RBFOX1: variants seen among roughly 807,000 people sequenced by gnomAD.
RBFOX1 encodes the protein RNA binding protein fox-1 homolog 1.
RBFOX1 carries 8 observed loss-of-function variants against 57.7 expected under a neutral mutation model. The ratio of observed to expected loss-of-function variants is 0.14; its 90% CI spans 0.08 to 0.25. The LOEUF is 0.25. Among genes scored for constraint, RBFOX1 ranks in the 10% least tolerant of loss-of-function variants. The pLI, the probability that RBFOX1 is intolerant of heterozygous loss-of-function variation, is 1.00. For synonymous variants in RBFOX1, 326 were observed against 222.4 expected, an observed-to-expected ratio of 1.47 and a Z score of -4.15; for missense variants, 611 against 548.5, an observed-to-expected ratio of 1.11 and a Z score of -1.14.
chr16:6,906,950 C>T (rs1476601427), intron 3 of RBFOX1, among the ~76,000 whole-genome samples: 3 of 152,114 alleles, frequency 2.0e-5, no homozygotes, highest in African/African-American at 4.8e-5. Flanking sequence ...TCTTGAACTC[C>T]TGACCTTAAG....
intron 3 of RBFOX1, among the ~76,000 whole-genome samples, chr16:6,741,564 G>A (rs1042028191): frequency 2.0e-5 from 3 of 151,886 alleles, no homozygotes; most frequent in Non-Finnish European, 4.4e-5. Context: ...AGCTACTTGG[G>A]AGGCTGAGGT....
intron 5 of RBFOX1, among the ~76,000 whole-genome samples, chr16:7,542,925 C>G (rs889835125): frequency 5.9e-5 from 9 of 151,978 alleles, no homozygotes; most frequent in African/African-American, 2.2e-4. Context: ...CCACCACCAC[C>G]CCACACATAC....
At chr16:6,821,590 C>T (rs975157306) in intron 3 of RBFOX1, among the ~76,000 whole-genome samples, 9 of 152,188 alleles carry the variant, frequency 5.9e-5, no homozygotes, top group African/African-American at 2.2e-4. Context: ...ACTGGTCGGT[C>T]TGTCACAATG....
chr16:6,886,757 A>T (rs2064131177), intron 3 of RBFOX1, among the ~76,000 whole-genome samples: 1 of 29,192 alleles, frequency 3.4e-5, no homozygotes, highest in African/African-American at 8.0e-5. Flanking sequence ...TCTATCTGAA[A>T]AAAACAAAAA....
chr16:7,265,958 G>GTATTTTTTTTTT (rs1567956396), intron 4 of RBFOX1, among the ~76,000 whole-genome samples: 1 of 107,604 alleles, frequency 9.3e-6, no homozygotes, highest in Non-Finnish European at 1.7e-5. Flanking sequence ...GATCTGGTGG[G>GTATTTTTTTTTT]TTTTTGTTTT....
intron 4 of RBFOX1, among the ~76,000 whole-genome samples, chr16:7,092,059 A>T: frequency 6.6e-6 from 1 of 152,254 alleles, no homozygotes; most frequent in East Asian, 1.9e-4. Context: ...CTCTTCTAGC[A>T]CCTAAGATAT....
chr16:6,980,602 C>A (rs1343047565), intron 3 of RBFOX1, among the ~76,000 whole-genome samples: 1 of 152,068 alleles, frequency 6.6e-6, no homozygotes, highest in Non-Finnish European at 1.5e-5. Context: ...ATGGAGGTGG[C>A]AGGTTTTAGC....
chr16:6,167,760 G>T (rs886182941), intron 1 of RBFOX1, among the ~76,000 whole-genome samples: 1 of 152,124 alleles, frequency 6.6e-6, no homozygotes, highest in African/African-American at 2.4e-5. Flanking sequence ...TGGTCCTGGG[G>T]CCTCAGAGTG....
At chr16:5,432,164 G>A (rs1487019837) in intron 1 of RBFOX1, among the ~76,000 whole-genome samples, 1 of 152,212 alleles carries the variant, frequency 6.6e-6, no homozygotes, top group Non-Finnish European at 1.5e-5. Flanking sequence ...ACCAGGATTG[G>A]CACAGCGAGG....
chr16:6,196,542 C>T (rs760060670), intron 1 of RBFOX1, among the ~76,000 whole-genome samples: 13 of 152,174 alleles, frequency 8.5e-5, no homozygotes, highest in East Asian at 3.9e-4. Flanking sequence ...TGCGTGGCTG[C>T]GACTTAAAAA....
chr16:5,758,739 T>A (rs1480725490), intron 3 of RBFOX1, among the ~76,000 whole-genome samples: 1 of 152,172 alleles, frequency 6.6e-6, no homozygotes, highest in Non-Finnish European at 1.5e-5. Context: ...AATGGTAAAT[T>A]TGACATCCTA....
At chr16:7,166,740 C>T (rs180693755) in intron 4 of RBFOX1, among the ~76,000 whole-genome samples, 2 of 152,134 alleles carry the variant, frequency 1.3e-5, no homozygotes, top group Admixed American at 1.3e-4. Flanking sequence ...AGGCAGACTT[C>T]AGCAGCATCC....
At chr16:5,240,559 G>A (rs1173408114) in intron 1 of RBFOX1, among the ~76,000 whole-genome samples, 1 of 152,290 alleles carries the variant, frequency 6.6e-6, no homozygotes, top group East Asian at 1.9e-4. Context: ...GCGGGCTGGC[G>A]GCGCTCACCC....
intron 3 of RBFOX1, among the ~76,000 whole-genome samples, chr16:6,846,337 C>A (rs1275434483): frequency 6.6e-6 from 1 of 152,152 alleles, no homozygotes; most frequent in Non-Finnish European, 1.5e-5. Context: ...ATGGACACAT[C>A]AAGACTCACT....
At chr16:7,394,469 CG>C (rs1453290628) in intron 4 of RBFOX1, among the ~76,000 whole-genome samples, 1 of 152,012 alleles carries the variant, frequency 6.6e-6, no homozygotes, top group Non-Finnish European at 1.5e-5. Flanking sequence ...AAGGAAACCT[CG>C]AAAGGGTTGA....
chr16:6,467,459 C>A (rs117066596), intron 2 of RBFOX1, among the ~76,000 whole-genome samples: 105 of 152,110 alleles, frequency 6.9e-4, no homozygotes, highest in Non-Finnish European at 1.2e-3. Flanking sequence ...GGCAAGGTGA[C>A]TTTATAGTAG....
At chr16:5,572,870 A>G (rs2046329285) in intron 2 of RBFOX1, among the ~76,000 whole-genome samples, 1 of 152,182 alleles carries the variant, frequency 6.6e-6, no homozygotes, top group Non-Finnish European at 1.5e-5. Context: ...AAAGGTACTC[A>G]GGGTTGAGGC....
chr16:6,452,136 A>C (rs2094642809), intron 2 of RBFOX1, among the ~76,000 whole-genome samples: 1 of 135,786 alleles, frequency 7.4e-6, no homozygotes. Flanking sequence ...CCATGACTCC[A>C]TCCATGGGTC....
chr16:5,468,930 C>T (rs2069040932), intron 2 of RBFOX1, among the ~76,000 whole-genome samples: 1 of 152,214 alleles, frequency 6.6e-6, no homozygotes, highest in African/African-American at 2.4e-5. Context: ...TTAATTCTAG[C>T]TTCTGGGGCT....
Sources: gnomAD v4.1 joint callset for allele counts (sites outside exome capture counted in the v4.1 genomes callset) on GRCh38, gnomAD v4.1.1 for gene constraint, MANE v1.5 for transcripts, NCBI Gene and HGNC (gene_info 2026-07-23, HGNC 2026-07-21) for gene names.